SLC7A1: variants seen among roughly 807,000 people sequenced by gnomAD.
SLC7A1 encodes solute carrier family 7 member 1.
A neutral mutation model predicts 53.9 loss-of-function variants in SLC7A1; 10 were observed. The ratio of observed to expected loss-of-function variants is 0.19; its 90% CI spans 0.11 to 0.31. The LOEUF (loss-of-function observed/expected upper bound fraction) is 0.31. Ranked by LOEUF, SLC7A1 falls within the 10% of genes least tolerant of loss-of-function variation. SLC7A1 has a pLI of 1.00. For synonymous variants in SLC7A1, 342 were observed against 338.7 expected (o/e 1.01, Z -0.11); for missense variants, 525 against 827.2 (o/e 0.63, Z 4.48).
chr13:29,525,943 G>A (rs1007759208), intron 5 of SLC7A1, among the ~76,000 whole-genome samples: 23 of 152,302 alleles, frequency 1.5e-4, no homozygotes, highest in African/African-American at 4.3e-4. Flanking sequence ...CAGAGGCCCC[G>A]CCGGCCACCC....
intron 2 of SLC7A1, among the ~76,000 whole-genome samples, chr13:29,552,846 CTGTG>C: frequency 6.6e-6 from 1 of 152,074 alleles, no homozygotes; most frequent in African/African-American, 2.4e-5. Flanking sequence ...TTCTATATTT[CTGTG>C]TGTGTTTCTT....
chr13:29,578,259 A>G (rs1011618907), intron 1 of SLC7A1, among the ~76,000 whole-genome samples: 2 of 152,214 alleles, frequency 1.3e-5, no homozygotes, highest in African/African-American at 4.8e-5. Flanking sequence ...GATATTTAAG[A>G]CATCTGAACT....
chr13:29,532,812 T>C lies in SLC7A1; in HGVS notation c.529+12A>G. 2 of 1,607,030 alleles carry C rather than the reference T, an allele frequency of 1.2e-6. No homozygotes were observed. Among genetic ancestry groups the C allele is most frequent in the Non-Finnish European group, 1.7e-6 (2 of 1,174,974 alleles). On this transcript the variant is annotated intron_variant, in intron 4 of 12. Coordinates refer to ENST00000380752, the MANE Select transcript of SLC7A1 (RefSeq NM_003045.5). Reference sequence around the variant, plus strand: ...CACTCTGACCCGATCTCTTTTTAAGTGTGGGCTTTACCTGTCAAGATGAGA... The same window carrying C: ...CACTCTGACCCGATCTCTTTTTAAGCGTGGGCTTTACCTGTCAAGATGAGA...
chr13:29,582,287 G>A (rs771089849), intron 1 of SLC7A1, among the ~76,000 whole-genome samples: 2 of 152,142 alleles, frequency 1.3e-5, no homozygotes, highest in Non-Finnish European at 2.9e-5. Context: ...ACTCCTTGCC[G>A]GTGCCAGAAG....
At chr13:29,593,443 G>A (rs942096782) in intron 1 of SLC7A1, among the ~76,000 whole-genome samples, 2 of 152,186 alleles carry the variant, frequency 1.3e-5, no homozygotes, top group Non-Finnish European at 2.9e-5. Context: ...AGATAACTCC[G>A]AGACTCAAGT....
chr13:29,569,910 A>T (rs1248262126), intron 1 of SLC7A1, among the ~76,000 whole-genome samples: 1 of 152,166 alleles, frequency 6.6e-6, no homozygotes, highest in Non-Finnish European at 1.5e-5. Flanking sequence ...ATGGCTGGCC[A>T]GGCTCCAACC....
intron 2 of SLC7A1, among the ~76,000 whole-genome samples, chr13:29,545,290 C>G (rs1050024001): frequency 6.6e-6 from 1 of 152,206 alleles, no homozygotes; most frequent in Non-Finnish European, 1.5e-5. Context: ...CAGGTAACCT[C>G]TGTCACAGGC....
intron 2 of SLC7A1, among the ~76,000 whole-genome samples, chr13:29,551,769 G>C (rs971390439): frequency 6.6e-6 from 1 of 152,108 alleles, no homozygotes; most frequent in African/African-American, 2.4e-5. Flanking sequence ...GGTGCTCAAG[G>C]CTCACATACC....
At chr13:29,524,334 G>T in intron 5 of SLC7A1, 81 bp from the exon 6 acceptor site, 2 of 1,564,314 alleles carry the variant, frequency 1.3e-6, no homozygotes, top group African/African-American at 2.7e-5. Flanking sequence ...CTCCTGATAT[G>T]AGCGGAACCT....
intron 1 of SLC7A1, among the ~76,000 whole-genome samples, chr13:29,585,933 T>G (rs9550483): frequency 0.17 from 25,925 of 152,144 alleles, 3,448 homozygotes; most frequent in East Asian, 0.68. Context: ...TTGGTAGCCT[T>G]GGATGCTCAA....
chr13:29,523,257 G>T lies in SLC7A1; in HGVS notation c.1049+9C>A, dbSNP rs764295603. On this transcript the variant is annotated intron_variant, in intron 7 of 12. Coordinates refer to ENST00000380752, the MANE Select transcript of SLC7A1 (RefSeq NM_003045.5). ...CCCTAGGAGCAGCCACCACAGAAAG[G>T]CCTCTCACCTGGCGGAAAGAGCGCA... is the stretch of plus-strand genomic sequence containing the variant. 55 of 1,609,960 alleles carry T rather than the reference G, an allele frequency of 3.4e-5. No homozygotes were observed. The highest frequency in any genetic ancestry group is 4.7e-5 in the Non-Finnish European group (55 of 1,177,998).
At chr13:29,588,628 C>T (rs1871985985) in intron 1 of SLC7A1, among the ~76,000 whole-genome samples, 1 of 151,830 alleles carries the variant, frequency 6.6e-6, no homozygotes, top group African/African-American at 2.4e-5. Context: ...CTCAGCCTCC[C>T]GAGTAGCTGC....
rs1342896931 is a variant in SLC7A1 at position 29,516,719 on chromosome 13, C to G, written c.1677+425G>C. 3 of 175,326 alleles carry G rather than the reference C, an allele frequency of 1.7e-5. No individual in the cohort carries two copies. The East Asian group carries it at 4.7e-4, about 28-fold the overall frequency. 10.9% of individuals were successfully genotyped at this position (175,326 alleles called of 1,614,324 possible). Reference sequence around the variant, plus strand: ...CCCCGGAGGGACTGCTCCACTGGGTCTGCTATTATGTATAAACTTAGGGGC... The same window carrying G: ...CCCCGGAGGGACTGCTCCACTGGGTGTGCTATTATGTATAAACTTAGGGGC... On this transcript the variant is annotated intron_variant, in intron 11 of 12. Transcript: ENST00000380752.
chr13:29,539,969 T>G (rs534639180), intron 2 of SLC7A1, among the ~76,000 whole-genome samples: 133 of 152,318 alleles, frequency 8.7e-4, no homozygotes, highest in Non-Finnish European at 1.5e-3. Context: ...TTTTAAGAAA[T>G]ATCCTGTCTC....
intron 1 of SLC7A1, among the ~76,000 whole-genome samples, chr13:29,569,702 C>A (rs773402279): frequency 6.6e-6 from 1 of 152,332 alleles, no homozygotes; most frequent in Middle Eastern, 3.4e-3. Flanking sequence ...TTAAAAAATT[C>A]TTCAATGTAA....
chr13:29,523,234 C>T, intron 7 of SLC7A1, 32 bp downstream of exon 7: 2 of 1,575,230 alleles, frequency 1.3e-6, no homozygotes, highest in South Asian at 1.1e-5. Context: ...GGTTCCACCC[C>T]TAGGAGCAGC....
At chr13:29,552,222 TACACACACACAC>T (rs34563180) in intron 2 of SLC7A1, among the ~76,000 whole-genome samples, 9 of 146,440 alleles carry the variant, frequency 6.1e-5, no homozygotes, top group Non-Finnish European at 6.0e-5. Flanking sequence ...TGAGGGTCAT[TACACACACACAC>T]ACACACACAC....
intron 2 of SLC7A1, 34 bp from the exon 3 acceptor site, chr13:29,536,236 C>G: frequency 6.4e-7 from 1 of 1,569,242 alleles, no homozygotes; most frequent in Non-Finnish European, 8.7e-7. Flanking sequence ...TTCCTGATTG[C>G]TCCTCATTTC....
At chr13:29,534,761 T>C (rs3783252) in intron 3 of SLC7A1, among the ~76,000 whole-genome samples, 74,956 of 151,730 alleles carry the variant, frequency 0.49, 20,686 homozygotes, top group Non-Finnish European at 0.64. Context: ...ATGGCTCAAC[T>C]TAACAGGTCT....
Sources: allele counts gnomAD v4.1 joint callset (sites outside exome capture counted in the v4.1 genomes callset), GRCh38; gene constraint gnomAD v4.1.1; transcripts MANE v1.5; gene names NCBI Gene and HGNC (gene_info 2026-07-23, HGNC 2026-07-21).